The following TMEM50B variants were observed in gnomAD, a reference collection of about 807,000 sequenced individuals.
TMEM50B encodes transmembrane protein 50B, also known as HCV p7-trans-regulated protein 3.
A neutral mutation model predicts 23.4 loss-of-function variants in TMEM50B; 14 were observed. The observed-to-expected ratio is 0.60, with a 90% confidence interval of 0.39 to 0.93. TMEM50B has a LOEUF of 0.93. Ranked by LOEUF, TMEM50B falls within the 40% of genes least tolerant of loss-of-function variation. The probability of loss-of-function intolerance (pLI) is 0.00; values close to 1 mark genes in which losing one functional copy is unlikely to be tolerated. For synonymous variants in TMEM50B, 64 were observed against 62.3 expected (o/e 1.03, Z -0.13); for missense variants, 159 against 193.0 (o/e 0.82, Z 1.04).
At chr21:33,445,138 C>T (rs912172119), downstream of TMEM50B, among the ~76,000 whole-genome samples, 2 of 151,218 alleles carry the variant, frequency 1.3e-5, no homozygotes, top group South Asian at 2.1e-4. Flanking sequence ...CAATTTACAT[C>T]CTTTTTGGAG....
chr21:33,468,521 T>C, intron 2 of TMEM50B: 1 of 383,400 alleles, frequency 2.6e-6, no homozygotes, highest in East Asian at 4.3e-5. Context: ...GTTGTATCAG[T>C]AAGTTAAAAA....
chr21:33,474,042 G>A (rs959138200), intron 1 of TMEM50B, among the ~76,000 whole-genome samples: 1 of 147,372 alleles, frequency 6.8e-6, no homozygotes, highest in African/African-American at 2.6e-5. Context: ...CAAAGTGACT[G>A]CAAAAGGCTA....
intron 7 of TMEM50B, among the ~76,000 whole-genome samples, chr21:33,442,777 C>T (rs2084019132): frequency 6.6e-6 from 1 of 152,026 alleles, no homozygotes; most frequent in Non-Finnish European, 1.5e-5. Context: ...AAAAATTAGC[C>T]AGGCATGATG....
intron 7 of TMEM50B, chr21:33,439,407 T>A (rs962159888): frequency 6.6e-6 from 1 of 152,030 alleles, no homozygotes; most frequent in Non-Finnish European, 1.5e-5. Flanking sequence ...AGAGACACAG[T>A]CTCACCCTGT....
At chr21:33,452,201 T>C (rs1248833830) in intron 6 of TMEM50B, among the ~76,000 whole-genome samples, 2 of 152,250 alleles carry the variant, frequency 1.3e-5, no homozygotes, top group Non-Finnish European at 2.9e-5. Context: ...CAGTCACATG[T>C]CTTTGACATA....
At chr21:33,464,367 T>C (rs1006204285) in intron 4 of TMEM50B, among the ~76,000 whole-genome samples, 1 of 151,620 alleles carries the variant, frequency 6.6e-6, no homozygotes, top group Non-Finnish European at 1.5e-5. Flanking sequence ...CTGGCTAATT[T>C]TGTATATTTT....
chr21:33,464,344 T>A (rs2084244504), intron 4 of TMEM50B, among the ~76,000 whole-genome samples: 1 of 151,670 alleles, frequency 6.6e-6, no homozygotes, highest in African/African-American at 2.4e-5. Flanking sequence ...ACTACAGAAG[T>A]GTGTCACCAC....
chr21:33,457,318 T>C (rs772449166), intron 5 of TMEM50B, among the ~76,000 whole-genome samples: 2 of 151,902 alleles, frequency 1.3e-5, no homozygotes, highest in Non-Finnish European at 2.9e-5. Context: ...AAATTCACAA[T>C]CAAGAAATTT....
At chr21:33,438,793 G>A (rs1329843147) in intron 8 of TMEM50B, among the ~76,000 whole-genome samples, 1 of 151,452 alleles carries the variant, frequency 6.6e-6, no homozygotes, top group Non-Finnish European at 1.5e-5. Context: ...GCAGTGGCGC[G>A]ATCTCAGCTC....
At chr21:33,440,685 C>T (rs965865921) in intron 7 of TMEM50B, among the ~76,000 whole-genome samples, 1 of 151,042 alleles carries the variant, frequency 6.6e-6, no homozygotes, top group East Asian at 1.9e-4. Flanking sequence ...AGTTTGAGAC[C>T]AGCCTGACCA....
At position 33,435,075 on chromosome 21, in the gene TMEM50B, C is replaced by T. The variant is rs540050387; in HGVS notation, c.*2121-2273G>A. Among the ~76,000 whole-genome samples the T allele has an allele frequency of 5.7e-4, 87 of 152,346 alleles. 1 individual carries two copies. Among genetic ancestry groups the T allele is most frequent in the African/African-American group, 2.0e-3 (82 of 41,574 alleles). ...TGTTCCTCTTTCAGTCAGTCAGCTA[C>T]AAGCTTATTGTCTTCCAGTATCTTT... On this transcript the variant is annotated intron_variant and NMD_transcript_variant, in intron 8 of 8. Transcript: ENST00000420455.
chr21:33,445,786 C>CA (rs368128356), downstream of TMEM50B, among the ~76,000 whole-genome samples: 7,155 of 135,072 alleles, frequency 0.053, 204 homozygotes, highest in Non-Finnish European at 0.067. Flanking sequence ...GACTCTGTCT[C>CA]AAAAAAAAAA....
At chr21:33,465,817 G>A (rs1212546950) in intron 3 of TMEM50B, among the ~76,000 whole-genome samples, 1 of 151,966 alleles carries the variant, frequency 6.6e-6, no homozygotes, top group African/African-American at 2.4e-5. Context: ...CTTAAGCTCA[G>A]AGAAAATGTA....
At chr21:33,433,749 G>T (rs577451966) in intron 8 of TMEM50B, among the ~76,000 whole-genome samples, 23 of 151,258 alleles carry the variant, frequency 1.5e-4, no homozygotes, top group Middle Eastern at 6.8e-3. Flanking sequence ...AAAGAGTTAT[G>T]ATGGTACATT....
chr21:33,465,388 A>C lies in TMEM50B; in HGVS notation c.234T>G (p.Ala78=). The change falls in exon 4 of 7, where the codon GCT becomes GCG. Residue 78 remains alanine (A), a synonymous_variant. Coordinates refer to ENST00000542230, the MANE Select transcript of TMEM50B (RefSeq NM_006134.7). The stretch of plus-strand genomic sequence containing the variant: ...TTTCATAGCTATCACCTCTCACCTG[A>C]GCATTGGATACAGCATTTATCCTAG... The part of the protein sequence containing the change: ...AFFMINAVSN[A]QVRGDSYESG... 6.2e-7 allele frequency: 1 copy of C among 1,612,768 alleles called. No individual in the cohort carries two copies. Among genetic ancestry groups the C allele is most frequent in the South Asian group, 1.1e-5 (1 of 90,846 alleles).
downstream of TMEM50B, among the ~76,000 whole-genome samples, chr21:33,445,569 C>A (rs1427732890): frequency 6.6e-6 from 1 of 152,108 alleles, no homozygotes; most frequent in Non-Finnish European, 1.5e-5. Flanking sequence ...CCAAGGCTGG[C>A]GGATCGCTTG....
chr21:33,473,590 C>T (rs2084338697), intron 1 of TMEM50B, among the ~76,000 whole-genome samples: 1 of 148,992 alleles, frequency 6.7e-6, no homozygotes, highest in South Asian at 2.1e-4. Context: ...ATGCAAGGAT[C>T]ACTTGTGCCC....
At chr21:33,448,739 C>T (rs1315950395), downstream of TMEM50B, 1 of 152,080 alleles carries the variant, frequency 6.6e-6, no homozygotes, top group Non-Finnish European at 1.5e-5. Context: ...CCTAGGCCTC[C>T]CAAAACATTT....
intron 6 of TMEM50B, among the ~76,000 whole-genome samples, chr21:33,454,653 A>AC (rs1202904025): frequency 6.6e-6 from 1 of 151,684 alleles, no homozygotes; most frequent in Admixed American, 6.6e-5. Context: ...AAGGTACTTT[A>AC]CCTGTTGTTG....
Sources: gnomAD v4.1 joint callset for allele counts (sites outside exome capture counted in the v4.1 genomes callset) on GRCh38, gnomAD v4.1.1 for gene constraint, MANE v1.5 for transcripts, NCBI Gene and HGNC (gene_info 2026-07-23, HGNC 2026-07-21) for gene names.